AGL: variants seen among roughly 807,000 people sequenced by gnomAD.
AGL encodes the protein glycogen debranching enzyme.
Under a neutral mutation model 199.3 loss-of-function variants are expected in AGL, and 128 were observed. The observed-to-expected ratio is 0.64, with a 90% CI of 0.56 to 0.74. The LOEUF (loss-of-function observed/expected upper bound fraction) is 0.74, where lower values mean the gene tolerates loss of function less well. Ranked by LOEUF, AGL falls within the 30% of genes least tolerant of loss-of-function variation. AGL has a pLI of 0.00. For synonymous variants in AGL, 584 were observed against 594.7 expected (o/e 0.98, Z 0.26); for missense variants, 1,809 against 1,820.8 (o/e 0.99, Z 0.12).
rs6665958 is a variant in AGL at position 99,916,259 on chromosome 1, G to T, written c.4260-151G>T. The stretch of plus-strand genomic sequence containing the variant: ...TGAACTCAGTATGTACTAATTTAAG[G>T]TTAGATGGATGATGTACTAATGCCG... On this transcript the variant is annotated intron_variant, in intron 31 of 33. Coordinates refer to ENST00000361915, the MANE Select transcript of AGL (RefSeq NM_000642.3). 0.046 allele frequency: 29,568 copies of T among 645,676 alleles called. 814 individuals are homozygous for T. The highest frequency in any genetic ancestry group is 0.079 in the African/African-American group (4,323 of 54,522). 40.0% of individuals were successfully genotyped at this position (645,676 alleles called of 1,614,324 possible).
rs554920966 is a variant in AGL at position 99,922,259 on chromosome 1, T to G, written c.*608T>G. 1 of 152,032 alleles carries G rather than the reference T, an allele frequency of 6.6e-6. No individual in the cohort carries two copies. The highest frequency in any genetic ancestry group is 2.4e-5 in the African/African-American group (1 of 41,578). The allele number at this position is 152,032 out of a possible 1,614,324, so 9.4% of individuals were successfully genotyped here. Reference sequence around the variant, plus strand: ...AATGCCAACAGTATATTTTATATGATTTACTTATGTGAGGAAACATGCAAA... The same window carrying G: ...AATGCCAACAGTATATTTTATATGAGTTACTTATGTGAGGAAACATGCAAA... On this transcript the variant is annotated 3_prime_UTR_variant, in exon 34 of 34. Transcript: ENST00000361915.
At chr1:99,870,270 G>A (rs1302308856) in intron 5 of AGL, 130 bp from the exon 6 acceptor site, 18 of 947,100 alleles carry the variant, frequency 1.9e-5, no homozygotes, top group South Asian at 3.1e-5. Flanking sequence ...CAGTATCATC[G>A]TAAAATTGAT....
At chr1:99,907,680 G>GTTTTTTTTTTTTT (rs1553191673) in intron 27 of AGL, among the ~76,000 whole-genome samples, 1 of 46,990 alleles carries the variant, frequency 2.1e-5, no homozygotes, top group African/African-American at 6.4e-5. Context: ...TTGTTCGTTT[G>GTTTTTTTTTTTTT]TTTTTGTTTT....
In AGL at chr1:99,891,336, C is replaced by G; in HGVS notation, c.2929C>G (p.Arg977Gly). Residue 977 changes from arginine to glycine, a missense_variant, in exon 22 of 34, where the codon CGA (arginine) becomes GGA (glycine). Transcript: ENST00000361915. ...IDYVSNRLIS[R>G]SGTIAEVGKW... The stretch of plus-strand genomic sequence containing the variant: ...CTATGTCAGTAACCGGCTTATTTCA[C>G]GATCAGGAACTATTGCTGAAGTAAG... 1 of 1,613,506 alleles carries G rather than the reference C, an allele frequency of 6.2e-7. No homozygotes were observed. Among genetic ancestry groups the G allele is most frequent in the African/African-American group, 1.3e-5 (1 of 74,954 alleles).
At chr1:99,900,891 T>TTG in intron 26 of AGL, 30 bp downstream of exon 26, 3 of 183,588 alleles carry the variant, frequency 1.6e-5, no homozygotes, top group Non-Finnish European at 2.5e-5. Flanking sequence ...TGTTTTTTTG[T>TTG]TTTTTTTTTT....
intron 7 of AGL, 180 bp from the exon 8 acceptor site, chr1:99,874,507 G>A (rs181410552): frequency 7.4e-5 from 45 of 611,556 alleles, no homozygotes; most frequent in Middle Eastern, 4.6e-4. Context: ...GCGCGTGCAC[G>A]CACGTGCACA....
intron 10 of AGL, 113 bp from the exon 11 acceptor site, chr1:99,876,345 A>G: frequency 1.2e-6 from 1 of 860,870 alleles, no homozygotes; most frequent in East Asian, 2.7e-5. Flanking sequence ...AAATAGCATC[A>G]AACTTATTTT....
chr1:99,914,010 A>G (rs1228562757), intron 30 of AGL, among the ~76,000 whole-genome samples: 1 of 152,228 alleles, frequency 6.6e-6, no homozygotes, highest in African/African-American at 2.4e-5. Context: ...AGAAGATGTT[A>G]TTTGTGGCCA....
At chr1:99,854,166 C>G (rs1649213084) in intron 2 of AGL, among the ~76,000 whole-genome samples, 1 of 152,002 alleles carries the variant, frequency 6.6e-6, no homozygotes, top group South Asian at 2.1e-4. Flanking sequence ...TGCACTCCAG[C>G]CTGGGCAACA....
Position 99,874,580 on chromosome 1 carries a change from GT to G in AGL, c.959-103del, listed in dbSNP as rs1651336274. 68 of 1,099,470 alleles carry G rather than the reference GT, an allele frequency of 6.2e-5. 3 individuals carry two copies. The South Asian group carries it at 7.8e-4, about 13-fold the overall frequency. The allele number at this position is 1,099,470 out of a possible 1,614,324, so 68.1% of individuals were successfully genotyped here. ...GAGGATACCTGTGAAATAAATATTT[GT>G]TTTATTTTCAGTGAAAAAATTATAG... On this transcript the variant is annotated intron_variant, in intron 7 of 33. Coordinates refer to ENST00000361915, the MANE Select transcript of AGL (RefSeq NM_000642.3).
intron 27 of AGL, among the ~76,000 whole-genome samples, chr1:99,904,830 T>C (rs766576551): frequency 3.9e-5 from 6 of 152,240 alleles, no homozygotes; most frequent in Non-Finnish European, 8.8e-5. Flanking sequence ...TTCCCTTTTA[T>C]GCATATACCA....
intron 17 of AGL, 34 bp from the exon 18 acceptor site, chr1:99,884,086 G>A: frequency 6.3e-7 from 1 of 1,577,856 alleles, no homozygotes; most frequent in Non-Finnish European, 8.7e-7. Flanking sequence ...GATTCCATAT[G>A]AAATTTTGTT....
In AGL at chr1:99,875,097, A is replaced by G. The variant is rs1161223795; in HGVS notation, c.1083-57A>G. 17 of 1,468,772 alleles carry G rather than the reference A, an allele frequency of 1.2e-5. No homozygotes were observed. The East Asian group carries it at 4.0e-4, about 35-fold the overall frequency. The allele number at this position is 1,468,772 out of a possible 1,614,324, so 91.0% of individuals were successfully genotyped here. A position where few individuals can be genotyped will look rare whatever the true frequency, so the allele number is the denominator to read the frequency against. Reference sequence around the variant, plus strand: ...TGTGACCTTTGTTAGAAAGTTTTTAAATGTAGAATCTGTAAAGCCATTAAA... The same window carrying G: ...TGTGACCTTTGTTAGAAAGTTTTTAGATGTAGAATCTGTAAAGCCATTAAA... On this transcript the variant is annotated intron_variant, in intron 8 of 33. Coordinates refer to ENST00000361915, the MANE Select transcript of AGL (RefSeq NM_000642.3).
At chr1:99,899,916 G>A (rs554822599) in intron 25 of AGL, among the ~76,000 whole-genome samples, 14 of 150,916 alleles carry the variant, frequency 9.3e-5, no homozygotes, top group Middle Eastern at 7.0e-3. Flanking sequence ...CACCACGCCC[G>A]GCCTTCTTTC....
intron 25 of AGL, among the ~76,000 whole-genome samples, chr1:99,900,070 C>G (rs987051641): frequency 2.0e-5 from 3 of 151,952 alleles, no homozygotes; most frequent in African/African-American, 7.3e-5. Flanking sequence ...GCTGGGACTA[C>G]AGGCACGCAC....
chr1:99,857,428 G>A (rs1294230565), intron 2 of AGL, among the ~76,000 whole-genome samples: 2 of 152,152 alleles, frequency 1.3e-5, no homozygotes, highest in African/African-American at 4.8e-5. Context: ...GGCAGAGGCT[G>A]CAGTCTCGGC....
chr1:99,870,701 A>G (rs1295671334), intron 6 of AGL, 57 bp from the exon 7 acceptor site: 3 of 1,429,306 alleles, frequency 2.1e-6, no homozygotes, highest in Non-Finnish European at 2.9e-6. Context: ...TATTTGCTTA[A>G]CTGATTTTAA....
chr1:99,852,947 C>T (rs980751313), intron 2 of AGL, among the ~76,000 whole-genome samples: 26 of 152,128 alleles, frequency 1.7e-4, no homozygotes, highest in Non-Finnish European at 1.2e-4. Context: ...TGCCCATTCT[C>T]GATCCTTTAT....
intron 23 of AGL, 63 bp downstream of exon 23, chr1:99,891,802 T>G (rs1652921123): frequency 1.8e-5 from 28 of 1,590,124 alleles, no homozygotes; most frequent in Non-Finnish European, 2.2e-5. Context: ...CAGAGTCACT[T>G]CATACATGTT....
Sources: allele counts gnomAD v4.1 joint callset (sites outside exome capture counted in the v4.1 genomes callset), GRCh38; gene constraint gnomAD v4.1.1; transcripts MANE v1.5; gene names NCBI Gene and HGNC (gene_info 2026-07-23, HGNC 2026-07-21).